Variants in ITPR1 observed in about 807,000 individuals in gnomAD.
The protein encoded by ITPR1 is inositol 1,4,5-trisphosphate-gated calcium channel ITPR1.
In ITPR1, 96 loss-of-function variants were observed where a neutral mutation model predicts 318.4. The ratio of observed to expected loss-of-function variants is 0.30; its 90% CI spans 0.26 to 0.36. The LOEUF is 0.36. Among genes scored for constraint, ITPR1 ranks in the 10% least tolerant of loss-of-function variants. The pLI, the probability that ITPR1 is intolerant of heterozygous loss-of-function variation, is 1.00. For missense variants in ITPR1, 2,440 were observed against 3,460.2 expected, an observed-to-expected ratio of 0.71 and a Z score of 7.40; for synonymous variants, 1,312 against 1,289.9, an observed-to-expected ratio of 1.02 and a Z score of -0.37.
At chr3:4,627,911 G>A (rs1157750275) in intron 5 of ITPR1, 33 bp downstream of exon 5, 2 of 1,330,802 alleles carry the variant, frequency 1.5e-6, no homozygotes, top group South Asian at 1.3e-5. Flanking sequence ...CGATGGGGCA[G>A]TAGTGAGTGG....
intron 52 of ITPR1, among the ~76,000 whole-genome samples, chr3:4,789,786 A>C (rs144714950): frequency 1.3e-5 from 2 of 152,108 alleles, no homozygotes; most frequent in Non-Finnish European, 2.9e-5. Context: ...TGGCTGGCTA[A>C]TTTTTGTATT....
chr3:4,704,627 G>A (rs2094720874), intron 36 of ITPR1, among the ~76,000 whole-genome samples: 1 of 152,174 alleles, frequency 6.6e-6, no homozygotes, highest in Admixed American at 6.5e-5. Flanking sequence ...TGCCACAGAG[G>A]TTAGTTTTTG....
intron 44 of ITPR1, among the ~76,000 whole-genome samples, chr3:4,741,027 C>T (rs568133109): frequency 4.6e-4 from 70 of 152,280 alleles, no homozygotes; most frequent in African/African-American, 1.5e-3. Context: ...CAGCAGGGCT[C>T]ACGGCACTTT....
chr3:4,674,903 A>G lies in ITPR1; in HGVS notation c.2599-165A>G, dbSNP rs79134537. Among the ~76,000 whole-genome samples, 1,239 of 149,064 alleles carry G rather than the reference A, an allele frequency of 8.3e-3. 21 individuals carry two copies. The highest frequency in any genetic ancestry group is 0.055 in the Middle Eastern group (16 of 290). ...TTTCCATTTCTTATTTTTCCTCCTTATGAAACAAAATGAAAATTTATCAGA... is the reference window on the plus strand; with the variant it reads ...TTTCCATTTCTTATTTTTCCTCCTTGTGAAACAAAATGAAAATTTATCAGA... On this transcript the variant is annotated intron_variant, in intron 22 of 61. Coordinates refer to ENST00000649015, the MANE Select transcript of ITPR1 (RefSeq NM_001378452.1).
intron 39 of ITPR1, among the ~76,000 whole-genome samples, chr3:4,714,270 A>AG (rs2125287449): frequency 6.6e-6 from 1 of 152,210 alleles, no homozygotes; most frequent in Non-Finnish European, 1.5e-5. Context: ...ATAATAAATG[A>AG]GGTGTTCTTT....
intron 61 of ITPR1, among the ~76,000 whole-genome samples, chr3:4,844,108 G>T (rs1156535536): frequency 6.8e-6 from 1 of 147,150 alleles, no homozygotes; most frequent in Admixed American, 7.1e-5. Context: ...TTCAATAAGG[G>T]TTGAGCAGAC....
At chr3:4,795,042 C>T (rs371404911) in intron 52 of ITPR1, 23 bp from the exon 53 acceptor site, 176 of 1,585,066 alleles carry the variant, frequency 1.1e-4, no homozygotes, top group African/African-American at 9.0e-4. Flanking sequence ...CAGCCTCACG[C>T]GGCTTTGCCT....
rs770501578 is a variant in ITPR1, at chr3:4,575,339, A to G, written c.164-52424A>G. 4.6e-5 allele frequency among the ~76,000 whole-genome samples: 7 copies of G among 152,368 alleles called. 1 individual carries two copies. On this transcript the variant is annotated intron_variant, in intron 4 of 61. Transcript: ENST00000649015. ...CTTTTCCTGGCTTCCTCCATATAGA[A>G]TAAGGATTTATATGAGGAAACCAGA...
chr3:4,784,466 C>T (rs934067628), intron 51 of ITPR1, among the ~76,000 whole-genome samples: 1 of 152,002 alleles, frequency 6.6e-6, no homozygotes, highest in Non-Finnish European at 1.5e-5. Context: ...AGGGTCCTAT[C>T]AACCATCCTT....
intron 60 of ITPR1, 129 bp downstream of exon 60, chr3:4,818,371 C>A: frequency 3.0e-6 from 2 of 658,626 alleles, no homozygotes; most frequent in Non-Finnish European, 4.9e-6. Context: ...GCCCTTCTCA[C>A]GGATGGGGCG....
chr3:4,565,969 A>G (rs1710075787), intron 4 of ITPR1, among the ~76,000 whole-genome samples: 1 of 152,162 alleles, frequency 6.6e-6, no homozygotes, highest in African/African-American at 2.4e-5. Flanking sequence ...GGTTTGTGCC[A>G]GGAAGTTCAG....
chr3:4,558,642 T>C (rs75029385), intron 4 of ITPR1, among the ~76,000 whole-genome samples: 10,972 of 152,208 alleles, frequency 0.072, 537 homozygotes, highest in Non-Finnish European at 0.1. Flanking sequence ...AGTTTAATCT[T>C]TTTAAAAGGA....
intron 4 of ITPR1, among the ~76,000 whole-genome samples, chr3:4,572,417 T>G (rs1381585752): frequency 1.3e-5 from 2 of 152,108 alleles, no homozygotes; most frequent in East Asian, 1.9e-4. Flanking sequence ...GCATATATTA[T>G]AGTTCTAATA....
intron 40 of ITPR1, 100 bp downstream of exon 40, chr3:4,717,499 C>T (rs193102732): frequency 1.4e-5 from 13 of 962,756 alleles, no homozygotes; most frequent in African/African-American, 4.8e-5. Flanking sequence ...CTCACAGCGT[C>T]GAGTATCTGG....
rs1365933739 is a variant in ITPR1, at chr3:4,846,267, T to TATTA, written c.*43_*46dup. ...AATTGTATTTACCTTTTATAATTAT[T>TATTA]ATTAGTGTGGGTATGGCTAATGAGT... On this transcript the variant is annotated 3_prime_UTR_variant, in exon 62 of 62. Transcript: ENST00000649015. The TATTA allele has an allele frequency of 1.6e-5, 21 of 1,346,112 alleles. No homozygotes were observed. Among genetic ancestry groups the TATTA allele is most frequent in the Non-Finnish European group, 2.2e-5 (21 of 961,674 alleles). 83.4% of individuals were successfully genotyped at this position (1,346,112 alleles called of 1,614,324 possible).
chr3:4,508,226 TA>T (rs1302115649), intron 2 of ITPR1, among the ~76,000 whole-genome samples: 1 of 152,180 alleles, frequency 6.6e-6, no homozygotes, highest in Non-Finnish European at 1.5e-5. Context: ...TCATCTTAAT[TA>T]AACGTAGGAG....
intron 10 of ITPR1, 171 bp downstream of exon 10, chr3:4,645,899 A>G (rs935894074): frequency 4.8e-6 from 3 of 629,370 alleles, no homozygotes; most frequent in Non-Finnish European, 5.3e-6. Flanking sequence ...GTGTATATAT[A>G]TAAGTCACAA....
intron 2 of ITPR1, among the ~76,000 whole-genome samples, chr3:4,503,865 G>T (rs1559351014): frequency 1.3e-5 from 2 of 152,200 alleles, no homozygotes; most frequent in East Asian, 3.9e-4. Context: ...GGGCAGAGGG[G>T]TGTCTCTTCA....
At chr3:4,718,107 C>T (rs2041903769) in intron 40 of ITPR1, among the ~76,000 whole-genome samples, 1 of 152,178 alleles carries the variant, frequency 6.6e-6, no homozygotes, top group African/African-American at 2.4e-5. Flanking sequence ...TGTTTGGGAT[C>T]TGGGGGCCTC....
Sources: gnomAD v4.1 joint callset for allele counts (sites outside exome capture counted in the v4.1 genomes callset) on GRCh38, gnomAD v4.1.1 for gene constraint, MANE v1.5 for transcripts, NCBI Gene and HGNC (gene_info 2026-07-23, HGNC 2026-07-21) for gene names.